CALN1: variants seen among roughly 807,000 people sequenced by gnomAD.
CALN1 encodes calcium-binding protein 8.
In CALN1, 17 loss-of-function variants were observed where a neutral mutation model predicts 30.6. The observed-to-expected ratio is 0.56, with a 90% CI of 0.38 to 0.83. The LOEUF (loss-of-function observed/expected upper bound fraction) is 0.83, where lower values mean the gene tolerates loss of function less well. CALN1 is among the 40% of genes least tolerant of loss of function. The pLI is 0.00. For missense variants in CALN1, 291 were observed against 354.9 expected, an observed-to-expected ratio of 0.82 and a Z score of 1.45; for synonymous variants, 156 against 131.4, an observed-to-expected ratio of 1.19 and a Z score of -1.28.
At chr7:72,297,068 C>T (rs1359870013) in intron 2 of CALN1, among the ~76,000 whole-genome samples, 3 of 152,152 alleles carry the variant, frequency 2.0e-5, no homozygotes, top group Non-Finnish European at 1.5e-5. Context: ...GCATTTAGTG[C>T]TATAAATTTC....
In CALN1 at chr7:72,217,358, C is replaced by T. The variant is rs143250239; in HGVS notation, c.244+61328G>A. 1.4e-3 allele frequency among the ~76,000 whole-genome samples: 211 copies of T among 152,228 alleles called. 1 individual carries two copies. Among genetic ancestry groups the T allele is most frequent in the African/African-American group, 4.8e-3 (201 of 41,526 alleles). The stretch of plus-strand genomic sequence containing the variant: ...AGGTCTGGGCCTGGGCATCTTGCCT[C>T]TTGGAGTATGACTAACACCAGCCCC... On this transcript the variant is annotated intron_variant, in intron 3 of 6. Coordinates refer to ENST00000395275, the MANE Select transcript of CALN1 (RefSeq NM_031468.4).
At chr7:72,217,758 G>A (rs1321710314) in intron 3 of CALN1, among the ~76,000 whole-genome samples, 1 of 150,972 alleles carries the variant, frequency 6.6e-6, no homozygotes, top group Admixed American at 6.6e-5. Context: ...TGGGAGGATT[G>A]CTTGAGGCCA....
chr7:72,284,297 A>C (rs1273216868), intron 2 of CALN1, among the ~76,000 whole-genome samples: 1 of 152,194 alleles, frequency 6.6e-6, no homozygotes, highest in African/African-American at 2.4e-5. Flanking sequence ...CTTGTCTCTA[A>C]AAAGTTAATT....
At chr7:72,212,509 C>T (rs186877381) in intron 3 of CALN1, among the ~76,000 whole-genome samples, 33 of 152,216 alleles carry the variant, frequency 2.2e-4, no homozygotes, top group African/African-American at 4.1e-4. Context: ...CCATAGAAGA[C>T]GACCTATCTT....
At chr7:72,129,342 C>A (rs1436866841) in intron 3 of CALN1, among the ~76,000 whole-genome samples, 1 of 152,106 alleles carries the variant, frequency 6.6e-6, no homozygotes, top group Non-Finnish European at 1.5e-5. Context: ...TAAATGCATA[C>A]TTTAACTCAA....
chr7:71,947,496 C>G (rs995025732), intron 5 of CALN1, among the ~76,000 whole-genome samples: 5 of 152,046 alleles, frequency 3.3e-5, no homozygotes, highest in African/African-American at 1.2e-4. Flanking sequence ...CTAGACACAC[C>G]CTTTTCCTAT....
At chr7:71,922,522 C>T (rs889827563) in intron 5 of CALN1, among the ~76,000 whole-genome samples, 22 of 138,686 alleles carry the variant, frequency 1.6e-4, no homozygotes, top group African/African-American at 6.0e-4. Context: ...ATATATAACA[C>T]ACAGAATATA....
At chr7:71,963,397 G>A (rs923984016) in intron 5 of CALN1, among the ~76,000 whole-genome samples, 1 of 152,008 alleles carries the variant, frequency 6.6e-6, no homozygotes, top group South Asian at 2.1e-4. Flanking sequence ...TCCTTACCTC[G>A]TGATCCACCT....
chr7:72,163,764 T>C (rs1427805185), intron 3 of CALN1, among the ~76,000 whole-genome samples: 2 of 152,004 alleles, frequency 1.3e-5, no homozygotes, highest in Non-Finnish European at 2.9e-5. Context: ...TACAGAAACA[T>C]ATTGATGGAG....
chr7:72,317,668 C>G (rs1352630209), intron 2 of CALN1, among the ~76,000 whole-genome samples: 1 of 152,186 alleles, frequency 6.6e-6, no homozygotes, highest in African/African-American at 2.4e-5. Context: ...GGAAGTCCCC[C>G]CCAGACTCAG....
intron 4 of CALN1, among the ~76,000 whole-genome samples, chr7:72,028,724 G>A (rs1221107346): frequency 1.3e-5 from 2 of 152,198 alleles, no homozygotes; most frequent in Non-Finnish European, 2.9e-5. Flanking sequence ...AGGCGCAGTG[G>A]CTCATGCTGT....
upstream of CALN1, chr7:72,412,350 C>G (rs1209766296): frequency 1.3e-5 from 2 of 152,166 alleles, no homozygotes; most frequent in Non-Finnish European, 2.9e-5. Context: ...CCAGCGGGCT[C>G]GGGGAGCCAG....
intron 5 of CALN1, among the ~76,000 whole-genome samples, chr7:71,968,930 TC>T (rs1272956176): frequency 1.3e-5 from 2 of 151,110 alleles, no homozygotes; most frequent in Non-Finnish European, 1.5e-5. Context: ...TCACCTGTAG[TC>T]CCAGCTACTT....
At position 72,390,738 on chromosome 7, in the gene CALN1, AATTATG is replaced by A. The variant is rs1296259397; in HGVS notation, c.119+12507_119+12512del. On this transcript the variant is annotated intron_variant, in intron 2 of 6. Coordinates refer to ENST00000395275, the MANE Select transcript of CALN1 (RefSeq NM_031468.4). ...TATGCTTACCCTAACAGCACTTCAA[AATTATG>A]ATTATTATATCTACCAATAGCCCTT... Among the ~76,000 whole-genome samples the A allele has an allele frequency of 2.0e-5, 3 of 152,226 alleles. 1 individual carries two copies. The highest frequency in any genetic ancestry group is 4.4e-5 in the Non-Finnish European group (3 of 68,044).
At chr7:71,946,895 C>T (rs1197873275) in intron 5 of CALN1, among the ~76,000 whole-genome samples, 1 of 152,136 alleles carries the variant, frequency 6.6e-6, no homozygotes, top group Non-Finnish European at 1.5e-5. Context: ...GTTGCCCAGG[C>T]TTCTCATGAA....
chr7:72,262,530 G>C (rs1170065077), intron 3 of CALN1, among the ~76,000 whole-genome samples: 1 of 152,094 alleles, frequency 6.6e-6, no homozygotes, highest in East Asian at 1.9e-4. Context: ...GAAGTCCTCA[G>C]TGTCTATTGT....
chr7:71,799,648 G>T (rs551339343), intron 6 of CALN1, among the ~76,000 whole-genome samples: 1 of 151,814 alleles, frequency 6.6e-6, no homozygotes. Context: ...ATTTCTTTTT[G>T]TATTTTTAGT....
intron 1 of CALN1, among the ~76,000 whole-genome samples, chr7:72,410,334 G>C (rs1053487486): frequency 6.6e-6 from 1 of 152,150 alleles, no homozygotes; most frequent in Non-Finnish European, 1.5e-5. Context: ...TTACTACTAA[G>C]ATGTATTCAA....
chr7:71,905,182 G>A (rs552013961), intron 5 of CALN1, among the ~76,000 whole-genome samples: 29 of 152,054 alleles, frequency 1.9e-4, no homozygotes, highest in Non-Finnish European at 3.1e-4. Flanking sequence ...TGGGTGATCC[G>A]CCTGCCTCAG....
Sources: gnomAD v4.1 joint callset for allele counts (sites outside exome capture counted in the v4.1 genomes callset) on GRCh38, gnomAD v4.1.1 for gene constraint, MANE v1.5 for transcripts, NCBI Gene and HGNC (gene_info 2026-07-23, HGNC 2026-07-21) for gene names.